The following BCL2L13 variants were observed in gnomAD, a reference collection of about 807,000 sequenced individuals.
The protein encoded by BCL2L13 is BCL2 like 13, also known as bcl-2-like protein 13.
Under a neutral mutation model 25.8 loss-of-function variants are expected in BCL2L13, and 13 were observed. The observed-to-expected ratio is 0.50, with a 90% CI of 0.33 to 0.80. The LOEUF (loss-of-function observed/expected upper bound fraction) is 0.80. Ranked by LOEUF, BCL2L13 falls within the 30% of genes least tolerant of loss-of-function variation. The pLI is 0.02. For synonymous variants in BCL2L13, 244 were observed against 230.3 expected, an observed-to-expected ratio of 1.06 and a Z score of -0.54; for missense variants, 504 against 574.9, an observed-to-expected ratio of 0.88 and a Z score of 1.26.
At chr22:17,687,764 G>A (rs1001633775) in intron 3 of BCL2L13, among the ~76,000 whole-genome samples, 10 of 149,742 alleles carry the variant, frequency 6.7e-5, no homozygotes, top group South Asian at 2.1e-4. Flanking sequence ...TGATCTGCCC[G>A]CTTCAGCCTC....
chr22:17,706,798 C>T lies in BCL2L13; in HGVS notation c.600+4412C>T, dbSNP rs963970191. 8 of 1,351,966 alleles carry T rather than the reference C, an allele frequency of 5.9e-6. No individual in the cohort carries two copies. The African/African-American group carries it at 1.0e-4, about 17-fold the overall frequency. The allele number at this position is 1,351,966 out of a possible 1,614,324, so 83.7% of individuals were successfully genotyped here. A position where few individuals can be genotyped will look rare whatever the true frequency, so the allele number is the denominator to read the frequency against. On this transcript the variant is annotated intron_variant, in intron 6 of 6. Transcript: ENST00000317582. ...GCTACGTTAGAAGTCTGTCTGTCTC[C>T]TGGAAAGGGCAGAGCAAGTCCACTG...
In BCL2L13 at chr22:17,728,870, AT is replaced by A. The variant is rs2061357732; in HGVS notation, c.*1340del. 6.6e-6 allele frequency: 1 copy of A among 151,974 alleles called. No individual in the cohort carries two copies. The highest frequency in any genetic ancestry group is 2.4e-5 in the African/African-American group (1 of 41,370). 9.4% of individuals were successfully genotyped at this position (151,974 alleles called of 1,614,324 possible). On this transcript the variant is annotated 3_prime_UTR_variant, in exon 7 of 7. Transcript: ENST00000317582. ...TATATGCTAGTTGAGCATCGGCATAATTTTCTTTCCTCTGGCTGATCCCAGC... is the reference window on the plus strand; with the variant it reads ...TATATGCTAGTTGAGCATCGGCATAATTTCTTTCCTCTGGCTGATCCCAGC...
At position 17,656,335 on chromosome 22, in the gene BCL2L13, C is replaced by CTTTTTTTTTTTTTTTTTTTT. The variant is rs890631679; in HGVS notation, c.121+517_121+536dup. On this transcript the variant is annotated intron_variant, in intron 2 of 6. Transcript: ENST00000317582. Reference sequence around the variant, plus strand: ...CAAAAGTATTTTTTTTCATTTTATTCTTTTTTTTTTTTTTTTTTTTTTTTT... The same window carrying CTTTTTTTTTTTTTTTTTTTT: ...CAAAAGTATTTTTTTTCATTTTATTCTTTTTTTTTTTTTTTTTTTTTTTTTTTTTTTTTTTTTTTTTTTTT... Among the ~76,000 whole-genome samples, 4 of 57,880 alleles carry CTTTTTTTTTTTTTTTTTTTT rather than the reference C, an allele frequency of 6.9e-5. 1 individual carries two copies. Among genetic ancestry groups the CTTTTTTTTTTTTTTTTTTTT allele is most frequent in the African/African-American group, 8.5e-5 (1 of 11,812 alleles). The allele number at this position is 57,880 out of a possible 152,430, so 38.0% of individuals were successfully genotyped here.
At chr22:17,647,546 A>G (rs1471972421) in intron 1 of BCL2L13, among the ~76,000 whole-genome samples, 2 of 152,072 alleles carry the variant, frequency 1.3e-5, no homozygotes, top group Admixed American at 1.3e-4. Context: ...CCGTATTACT[A>G]GTGTTAGTGT....
At chr22:17,639,634 CA>C (rs1450240584) in intron 1 of BCL2L13, among the ~76,000 whole-genome samples, 1 of 152,142 alleles carries the variant, frequency 6.6e-6, no homozygotes, top group Non-Finnish European at 1.5e-5. Context: ...TTTGTTTATT[CA>C]AAATAGCTAT....
chr22:17,653,495 A>ATTTTTTTTTTTTTTTTTTTTTTTTTT (rs34652783), intron 1 of BCL2L13, among the ~76,000 whole-genome samples: 2 of 110,722 alleles, frequency 1.8e-5, no homozygotes, highest in African/African-American at 3.6e-5. Flanking sequence ...CTCCAGTATG[A>ATTTTTTTTTTTTTTTTTTTTTTTTTT]TTTTTTTTTT....
intron 3 of BCL2L13, among the ~76,000 whole-genome samples, chr22:17,684,448 C>T (rs550642006): frequency 4.1e-4 from 62 of 152,290 alleles, no homozygotes; most frequent in African/African-American, 1.4e-3. Flanking sequence ...CTTCCCATTC[C>T]CACTAGCCCC....
At chr22:17,630,702 T>A (rs1487279017) in intron 1 of BCL2L13, among the ~76,000 whole-genome samples, 1 of 151,070 alleles carries the variant, frequency 6.6e-6, no homozygotes, top group Non-Finnish European at 1.5e-5. Context: ...TTGATTCTCC[T>A]GCCTCAGCCT....
intron 3 of BCL2L13, among the ~76,000 whole-genome samples, chr22:17,688,772 T>G (rs1348361912): frequency 1.3e-5 from 2 of 151,036 alleles, no homozygotes; most frequent in Admixed American, 6.6e-5. Context: ...ATTGTTGTTT[T>G]TTTTTTTTTT....
At chr22:17,695,757 C>A in intron 4 of BCL2L13, 4 of 153,854 alleles carry the variant, frequency 2.6e-5, no homozygotes, top group East Asian at 1.9e-4. Flanking sequence ...GATTTTTTAC[C>A]TTTAAAAAAA....
intron 4 of BCL2L13, among the ~76,000 whole-genome samples, chr22:17,694,396 G>C (rs2060202504): frequency 6.6e-6 from 1 of 152,046 alleles, no homozygotes; most frequent in Non-Finnish European, 1.5e-5. Flanking sequence ...ACTCCAGCTA[G>C]GGGTGGTGGG....
At chr22:17,632,189 C>T (rs891492308) in intron 1 of BCL2L13, among the ~76,000 whole-genome samples, 1 of 151,926 alleles carries the variant, frequency 6.6e-6, no homozygotes, top group South Asian at 2.1e-4. Flanking sequence ...GGACAATAAA[C>T]GTTGCCATTT....
chr22:17,646,955 A>ATATC (rs768488873), intron 1 of BCL2L13, among the ~76,000 whole-genome samples: 2 of 22,188 alleles, frequency 9.0e-5, no homozygotes, highest in African/African-American at 2.9e-4. Context: ...ATATATATAT[A>ATATC]TTTTTTTTTT....
At chr22:17,714,264 G>A (rs1339821814) in intron 6 of BCL2L13, among the ~76,000 whole-genome samples, 1 of 151,830 alleles carries the variant, frequency 6.6e-6, no homozygotes, top group Non-Finnish European at 1.5e-5. Flanking sequence ...CTGCACTCCA[G>A]CCTGGGCAAC....
At chr22:17,631,670 GTATATATATATATATATATATA>G (rs1181793721) in intron 1 of BCL2L13, among the ~76,000 whole-genome samples, 3 of 26,894 alleles carry the variant, frequency 1.1e-4, no homozygotes, top group Non-Finnish European at 1.4e-4. Context: ...GTGTGTGTGT[GTATATATATATATATATATATA>G]TATATATATA....
At chr22:17,684,847 C>T (rs1303462487) in intron 3 of BCL2L13, among the ~76,000 whole-genome samples, 2 of 152,086 alleles carry the variant, frequency 1.3e-5, no homozygotes, top group African/African-American at 4.8e-5. Flanking sequence ...ATTCTCCTGC[C>T]TCAGCCTCCC....
chr22:17,679,984 G>A (rs890448599), intron 2 of BCL2L13, among the ~76,000 whole-genome samples: 12 of 151,692 alleles, frequency 7.9e-5, no homozygotes, highest in Middle Eastern at 3.2e-3. Flanking sequence ...AGGCTGGGGC[G>A]GGCGGATTAC....
In BCL2L13 at chr22:17,654,876, C is replaced by T. The variant is rs570412633; in HGVS notation, c.-50-786C>T. On this transcript the variant is annotated intron_variant, in intron 1 of 6. Transcript: ENST00000317582. ...AACTGGGACCATAGGCAGGCCCTAC[C>T]ACGCCCAGCTAATGTTTTAAATTTT... Among the ~76,000 whole-genome samples the T allele has an allele frequency of 2.0e-5, 3 of 152,098 alleles. No individual in the cohort carries two copies. In the South Asian group the frequency reaches 6.2e-4, roughly 32 times the overall value.
intron 1 of BCL2L13, among the ~76,000 whole-genome samples, chr22:17,631,687 T>TATAC (rs2058025397): frequency 1.6e-5 from 1 of 61,356 alleles, no homozygotes; most frequent in African/African-American, 6.2e-5. Context: ...TATATATATA[T>TATAC]ATATATATAT....
Sources: allele counts gnomAD v4.1 joint callset (sites outside exome capture counted in the v4.1 genomes callset), GRCh38; gene constraint gnomAD v4.1.1; transcripts MANE v1.5; gene names NCBI Gene and HGNC (gene_info 2026-07-23, HGNC 2026-07-21).